CSMD3: variants seen among roughly 807,000 people sequenced by gnomAD.
The protein encoded by CSMD3 is CUB and Sushi multiple domains 3.
In CSMD3, 177 loss-of-function variants were observed where a neutral mutation model predicts 435.2. The ratio of observed to expected loss-of-function variants is 0.41; its 90% CI spans 0.36 to 0.46. The LOEUF (loss-of-function observed/expected upper bound fraction) is 0.46, where lower values mean the gene tolerates loss of function less well. CSMD3 is among the 20% of genes least tolerant of loss of function. The pLI, the probability that CSMD3 is intolerant of heterozygous loss-of-function variation, is 0.34. For synonymous variants in CSMD3, 1,656 were observed against 1,520.5 expected, an observed-to-expected ratio of 1.09 and a Z score of -2.07; for missense variants, 4,265 against 4,504.6, an observed-to-expected ratio of 0.95 and a Z score of 1.52.
At chr8:113,022,442 C>T (rs959769530) in intron 5 of CSMD3, among the ~76,000 whole-genome samples, 126 of 151,884 alleles carry the variant, frequency 8.3e-4, no homozygotes, top group African/African-American at 2.8e-3. Flanking sequence ...AGAGAAAAAT[C>T]ATGGTTTTAT....
At chr8:113,298,353 T>C (rs1448863311) in intron 2 of CSMD3, among the ~76,000 whole-genome samples, 1 of 152,258 alleles carries the variant, frequency 6.6e-6, no homozygotes, top group East Asian at 1.9e-4. Context: ...ATTGATATGA[T>C]AATAGTGGGA....
At chr8:112,625,718 T>C (rs1016355025) in intron 22 of CSMD3, among the ~76,000 whole-genome samples, 3 of 152,098 alleles carry the variant, frequency 2.0e-5, no homozygotes, top group Admixed American at 1.3e-4. Flanking sequence ...TACACAGATG[T>C]AGAAAAATGG....
intron 1 of CSMD3, among the ~76,000 whole-genome samples, chr8:113,409,356 T>C (rs1208080675): frequency 6.6e-6 from 1 of 152,050 alleles, no homozygotes; most frequent in African/African-American, 2.4e-5. Flanking sequence ...GTGCTGGGAT[T>C]ACAGGCCTGA....
At chr8:112,511,900 G>A (rs1823183583) in intron 28 of CSMD3, among the ~76,000 whole-genome samples, 1 of 152,124 alleles carries the variant, frequency 6.6e-6, no homozygotes, top group African/African-American at 2.4e-5. Context: ...TTTACCAGAA[G>A]TGGATTCCAT....
intron 32 of CSMD3, among the ~76,000 whole-genome samples, chr8:112,440,388 C>A (rs1349818307): frequency 6.6e-6 from 1 of 152,094 alleles, no homozygotes; most frequent in Non-Finnish European, 1.5e-5. Flanking sequence ...ATAGCCACCC[C>A]TCCTGGCTGC....
At chr8:112,885,542 C>T (rs967767328) in intron 10 of CSMD3, among the ~76,000 whole-genome samples, 3 of 151,696 alleles carry the variant, frequency 2.0e-5, no homozygotes, top group Admixed American at 6.6e-5. Context: ...ACTAAAACTA[C>T]TCCTGACTTC....
intron 22 of CSMD3, among the ~76,000 whole-genome samples, chr8:112,598,352 C>A (rs1374172075): frequency 6.6e-6 from 1 of 151,462 alleles, no homozygotes; most frequent in Non-Finnish European, 1.5e-5. Flanking sequence ...CAAACCACTT[C>A]TCGAAGAAAT....
In CSMD3 at chr8:113,414,651, CAAAAAAAAAA is replaced by C. The variant is rs780988317; in HGVS notation, c.178+22016_178+22025del. Reference sequence around the variant, plus strand: ...GCACATTTTCAAATGTGCCCAAATACAAAAAAAAAAAAAAAAAAAAAAGTACTGGGAGGGC... The same window carrying C: ...GCACATTTTCAAATGTGCCCAAATACAAAAAAAAAAAAGTACTGGGAGGGC... On this transcript the variant is annotated intron_variant, in intron 1 of 70. Transcript: ENST00000297405. Among the ~76,000 whole-genome samples, 29 of 85,068 alleles carry C rather than the reference CAAAAAAAAAA, an allele frequency of 3.4e-4. 1 individual carries two copies. The highest frequency in any genetic ancestry group is 8.7e-4 in the African/African-American group (22 of 25,164). The allele number at this position is 85,068 out of a possible 152,430, so 55.8% of individuals were successfully genotyped here.
chr8:112,642,083 T>C (rs945176346), intron 20 of CSMD3, among the ~76,000 whole-genome samples: 5 of 151,692 alleles, frequency 3.3e-5, no homozygotes, highest in African/African-American at 9.7e-5. Context: ...TTTATGTTTA[T>C]ATATATATAT....
At chr8:112,373,013 T>G (rs1335511475) in intron 38 of CSMD3, among the ~76,000 whole-genome samples, 1 of 126,120 alleles carries the variant, frequency 7.9e-6, no homozygotes, top group African/African-American at 2.9e-5. Context: ...AAAATATATA[T>G]ATATATATAT....
At chr8:112,777,933 A>G (rs2078286037) in intron 13 of CSMD3, among the ~76,000 whole-genome samples, 1 of 151,866 alleles carries the variant, frequency 6.6e-6, no homozygotes, top group African/African-American at 2.4e-5. Context: ...CATATTAAAT[A>G]TATCAGTGAG....
chr8:113,067,339 CAT>C (rs1376687614), intron 5 of CSMD3, among the ~76,000 whole-genome samples: 1 of 152,096 alleles, frequency 6.6e-6, no homozygotes, highest in East Asian at 1.9e-4. Flanking sequence ...ACTTCTTAGA[CAT>C]ATGAAATGTC....
chr8:112,659,562 G>A (rs2075332072), intron 17 of CSMD3, among the ~76,000 whole-genome samples: 1 of 152,140 alleles, frequency 6.6e-6, no homozygotes, highest in South Asian at 2.1e-4. Context: ...CATGCATTCA[G>A]GGAGCTGAGG....
chr8:113,249,477 G>T (rs768153794), intron 3 of CSMD3, among the ~76,000 whole-genome samples: 2 of 151,842 alleles, frequency 1.3e-5, no homozygotes, highest in African/African-American at 2.4e-5. Context: ...TGAGTTTGAG[G>T]TATTTGTTAC....
intron 2 of CSMD3, 61 bp from the exon 3 acceptor site, chr8:113,278,765 A>C: frequency 1.2e-6 from 1 of 817,628 alleles, no homozygotes; most frequent in Admixed American, 1.8e-5. Flanking sequence ...GTTTTTAAGA[A>C]GGATTAAAGT....
rs73335591 is a variant in CSMD3, at chr8:113,266,820, A to G, written c.514+11772T>C. Among the ~76,000 whole-genome samples the G allele has an allele frequency of 3.6e-3, 543 of 151,748 alleles. 2 individuals are homozygous for G. Among genetic ancestry groups the G allele is most frequent in the African/African-American group, 0.012 (505 of 41,526 alleles). On this transcript the variant is annotated intron_variant, in intron 3 of 70. Transcript: ENST00000297405. ...TACCTTGTGTTTGAAGTGGTTTTCA[A>G]TGTATATTCTTTATTTGCAAATACT... is the stretch of plus-strand genomic sequence containing the variant.
At chr8:112,405,102 T>A (rs1386994442) in intron 35 of CSMD3, among the ~76,000 whole-genome samples, 1 of 144,710 alleles carries the variant, frequency 6.9e-6, no homozygotes, top group Non-Finnish European at 1.5e-5. Context: ...CAGGAGGCTT[T>A]AACCTGGGAG....
intron 4 of CSMD3, among the ~76,000 whole-genome samples, chr8:113,109,467 G>A (rs1369114573): frequency 6.6e-6 from 1 of 152,222 alleles, no homozygotes; most frequent in Non-Finnish European, 1.5e-5. Flanking sequence ...ACATAGGATA[G>A]ACATTCCCAT....
chr8:112,611,020 G>T (rs1163722751), intron 22 of CSMD3, among the ~76,000 whole-genome samples: 2 of 152,144 alleles, frequency 1.3e-5, no homozygotes, highest in Non-Finnish European at 2.9e-5. Context: ...TGACATTATA[G>T]ATGAATTTTT....
Sources: allele counts gnomAD v4.1 joint callset (sites outside exome capture counted in the v4.1 genomes callset), GRCh38; gene constraint gnomAD v4.1.1; transcripts MANE v1.5; gene names NCBI Gene and HGNC (gene_info 2026-07-23, HGNC 2026-07-21).